The following TUBGCP6 variants were observed in gnomAD, a reference collection of about 807,000 sequenced individuals.
The protein encoded by TUBGCP6 is gamma-tubulin complex component 6.
In TUBGCP6, 161 loss-of-function variants were observed where a neutral mutation model predicts 175.8. That is an observed-to-expected ratio of 0.92 (90% confidence interval 0.81 to 1.04). TUBGCP6 has a LOEUF of 1.04. Among genes scored for constraint, TUBGCP6 ranks in the 50% least tolerant of loss-of-function variants. TUBGCP6 has a pLI of 0.00. For missense variants in TUBGCP6, 2,572 were observed against 2,433.0 expected (o/e 1.06, Z -1.20); for synonymous variants, 1,173 against 1,030.5 (o/e 1.14, Z -2.65).
At chr22:50,233,081 C>G (rs1211581521) in intron 3 of TUBGCP6, among the ~76,000 whole-genome samples, 1 of 152,234 alleles carries the variant, frequency 6.6e-6, no homozygotes, top group Non-Finnish European at 1.5e-5. Flanking sequence ...TTGCTGACAG[C>G]AATAAACATG....
rs201398979 is a variant in TUBGCP6 at position 50,220,670 on chromosome 22, G to A, written c.3689C>T (p.Ser1230Leu). 1.1e-4 allele frequency: 184 copies of A among 1,611,008 alleles called. 1 individual carries two copies. The highest frequency in any genetic ancestry group is 7.5e-4 in the South Asian group (68 of 90,988). ...DTSIRVGENVSDVAPIRSRCN... is the reference protein window; with the variant it reads ...DTSIRVGENVLDVAPIRSRCN... ...CCGTGACCGGATGGGAGCCACGTCC[G>A]ATACGTTCTCCCCAACCCTGATGCT... The change falls in exon 16 of 25, where the codon TCG (serine) becomes TTG (leucine). Residue 1230 changes from serine (S) to leucine (L), a missense_variant. By Grantham distance (145) the Ser-to-Leu change is moderately radical. Coordinates refer to ENST00000248846, the MANE Select transcript of TUBGCP6 (RefSeq NM_020461.4).
chr22:50,219,292 C>T lies in TUBGCP6; in HGVS notation c.4480G>A (p.Ala1494Thr), dbSNP rs772982938. The T allele has an allele frequency of 8.7e-6, 14 of 1,602,674 alleles. No homozygotes were observed. Among genetic ancestry groups the T allele is most frequent in the Admixed American group, 3.4e-5 (2 of 58,738 alleles). ...MKRSITAPLAAHISLVNKAAV... is the reference protein window; with the variant it reads ...MKRSITAPLATHISLVNKAAV... ...CGCAGGGGCAGGGGCACTCACTGGG[C>T]GGCCAGCGGTGCCGTGATGGAGCGC... The change falls in exon 19 of 25, where the codon GCC becomes ACC. Residue 1494 changes from alanine to threonine, a missense_variant. Ala to Thr is a moderately conservative substitution (Grantham distance 58). Transcript: ENST00000248846.
chr22:50,240,692 C>A (rs75025259), intron 1 of TUBGCP6, among the ~76,000 whole-genome samples: 3,614 of 152,252 alleles, frequency 0.024, 90 homozygotes, highest in East Asian at 0.12. Context: ...AACATTAAAA[C>A]ACTACTGTAC....
chr22:50,242,714 GA>G (rs2064855366), intron 1 of TUBGCP6, among the ~76,000 whole-genome samples: 1 of 152,222 alleles, frequency 6.6e-6, no homozygotes, highest in African/African-American at 2.4e-5. Context: ...CCAATTGCAC[GA>G]ATTACAGAAC....
intron 14 of TUBGCP6, 22 bp downstream of exon 14, chr22:50,222,432 C>A: frequency 6.2e-7 from 1 of 1,612,566 alleles, no homozygotes; most frequent in African/African-American, 1.3e-5. Flanking sequence ...GGAAGAGCTG[C>A]CATCTGAAGC....
intron 3 of TUBGCP6, among the ~76,000 whole-genome samples, chr22:50,231,240 G>T (rs924899287): frequency 7.1e-6 from 1 of 141,612 alleles, no homozygotes; most frequent in African/African-American, 2.5e-5. Context: ...AATCACTTGA[G>T]GTCAGGAGTT....
chr22:50,226,191 T>A lies in TUBGCP6; in HGVS notation c.1694-2A>T. 6.2e-7 allele frequency: 1 copy of A among 1,614,062 alleles called. No homozygotes were observed. Among genetic ancestry groups the A allele is most frequent in the South Asian group, 1.1e-5 (1 of 91,074 alleles). ...AGCCATGTGTCCAGTACAACTTATC[T>A]AAGGTAGGGTGAACACCACGGTGGC... On this transcript the variant is annotated splice_acceptor_variant, in intron 8 of 24. Coordinates refer to ENST00000248846, the MANE Select transcript of TUBGCP6 (RefSeq NM_020461.4). LOFTEE classifies it high-confidence loss of function.
Position 50,226,330 on chromosome 22 carries a change from G to A in TUBGCP6, c.1650C>T (p.Gly550=), listed in dbSNP as rs776356001. ...CGTGGTTCACCTGAATCATGAACTC[G>A]CCATAAGCGTCTCTGAACACCCCGC... The part of the protein sequence containing the change: ...VYSGVFRDAY[G]EFMIQVNHEY... The change falls in exon 8 of 25, where the codon GGC becomes GGT. Residue 550 remains glycine (G), a synonymous_variant. Coordinates refer to ENST00000248846, the MANE Select transcript of TUBGCP6 (RefSeq NM_020461.4). The A allele has an allele frequency of 2.5e-5, 41 of 1,613,518 alleles. No individual in the cohort carries two copies. Among genetic ancestry groups the A allele is most frequent in the Admixed American group, 3.3e-5 (2 of 59,902 alleles).
intron 2 of TUBGCP6, among the ~76,000 whole-genome samples, chr22:50,239,456 T>C (rs1156954577): frequency 3.3e-5 from 5 of 152,230 alleles, no homozygotes; most frequent in Admixed American, 1.3e-4. Flanking sequence ...GGATTACAGA[T>C]GTGAGCCACC....
rs149054936 is a variant in TUBGCP6, at chr22:50,218,552, G to A, written c.4890C>T (p.Phe1630=). ...CVSKYSGVFS[F]LLQLKLMMWA... ...ACATCATGAGCTTCAGCTGCAGCAGGAAGGAGAAGACGCCGCTGTACTTGC... is the reference window on the plus strand; with the variant it reads ...ACATCATGAGCTTCAGCTGCAGCAGAAAGGAGAAGACGCCGCTGTACTTGC... The change falls in exon 22 of 25, where the codon TTC becomes TTT. Residue 1630 remains phenylalanine (F), a synonymous_variant. Coordinates refer to ENST00000248846, the MANE Select transcript of TUBGCP6 (RefSeq NM_020461.4). The A allele has an allele frequency of 4.6e-5, 74 of 1,613,818 alleles. No homozygotes were observed. The highest frequency in any genetic ancestry group is 4.5e-4 in the South Asian group (41 of 91,084).
Position 50,220,977 on chromosome 22 carries a change from T to C in TUBGCP6, c.3382A>G (p.Arg1128Gly). 1 of 1,538,708 alleles carries C rather than the reference T, an allele frequency of 6.5e-7. No homozygotes were observed. The highest frequency in any genetic ancestry group is 8.7e-7 in the Non-Finnish European group (1 of 1,144,978). Reference sequence around the variant, plus strand: ...TGCCCGTGGGTATTCCACCGTGGCCTGGTGGGAGCCACATCTGACACATTC... The same window carrying C: ...TGCCCGTGGGTATTCCACCGTGGCCCGGTGGGAGCCACATCTGACACATTC... The part of the protein sequence containing the change: ...GENVSDVAPT[R>G]PRWNTHGHVS... The change falls in exon 16 of 25, where the codon AGG becomes GGG. Residue 1128 changes from arginine to glycine, a missense_variant. By Grantham distance (125) the Arg-to-Gly change is moderately radical (BLOSUM62 -2). Transcript: ENST00000248846.
In TUBGCP6 at chr22:50,218,466, C is replaced by T. The variant is rs747654329; in HGVS notation, c.4954+22G>A. 2.7e-5 allele frequency: 44 copies of T among 1,613,092 alleles called. No homozygotes were observed. The South Asian group carries it at 4.6e-4, about 17-fold the overall frequency. Reference sequence around the variant, plus strand: ...AGCCTCCAGCCAGGGGTGCGGGGCGCCGGGCTCCAGCGGGGCCTCACCTGT... The same window carrying T: ...AGCCTCCAGCCAGGGGTGCGGGGCGTCGGGCTCCAGCGGGGCCTCACCTGT... On this transcript the variant is annotated intron_variant, in intron 22 of 24. Coordinates refer to ENST00000248846, the MANE Select transcript of TUBGCP6 (RefSeq NM_020461.4).
At chr22:50,226,015 G>GC in intron 9 of TUBGCP6, 35 bp downstream of exon 9, 1 of 1,613,576 alleles carries the variant, frequency 6.2e-7, no homozygotes, top group Non-Finnish European at 8.5e-7. Flanking sequence ...GGGAAGACCG[G>GC]CCCCTCTCTT....
At chr22:50,228,129 G>A in intron 4 of TUBGCP6, 101 bp from the exon 5 acceptor site, 1 of 1,349,428 alleles carries the variant, frequency 7.4e-7, no homozygotes, top group Non-Finnish European at 9.8e-7. Flanking sequence ...TTTGTTTCTT[G>A]CCTCAGCTCT....
rs755251059 is a variant in TUBGCP6, at chr22:50,218,759, C to A, written c.4765G>T (p.Glu1589Ter). The A allele has an allele frequency of 1.2e-6, 2 of 1,614,060 alleles. No individual in the cohort carries two copies. Among genetic ancestry groups the A allele is most frequent in the Non-Finnish European group, 1.7e-6 (2 of 1,180,000 alleles). The stretch of plus-strand genomic sequence containing the variant: ...TCCGGGGCGTTGGGGGCAAACACCT[C>A]GGGCAGGTACTTGAGAGCGAGGGAG... ...NLSLALKYLPEVFAPNAPDVL... is the reference protein window; with the variant it reads ...NLSLALKYLP Residue 1589 changes from glutamate (E) to a stop codon, truncating the protein, a stop_gained, in exon 21 of 25, where the codon GAG becomes TAG. Transcript: ENST00000248846. LOFTEE classifies it high-confidence loss of function.
chr22:50,241,679 G>A (rs1243434741), intron 1 of TUBGCP6, among the ~76,000 whole-genome samples: 2 of 152,056 alleles, frequency 1.3e-5, no homozygotes, highest in Non-Finnish European at 2.9e-5. Flanking sequence ...TCTCTGCTTC[G>A]GCTGCCAAAC....
intron 2 of TUBGCP6, among the ~76,000 whole-genome samples, chr22:50,235,871 T>C (rs1399707095): frequency 7.2e-6 from 1 of 139,058 alleles, no homozygotes; most frequent in Non-Finnish European, 1.5e-5. Flanking sequence ...ACCCGGGAGG[T>C]GGAGGTTGCA....
Position 50,225,937 on chromosome 22 carries a change from G to A in TUBGCP6, c.1840C>T (p.Leu614Phe), listed in dbSNP as rs368583248. 1.3e-5 allele frequency: 21 copies of A among 1,613,536 alleles called. No individual in the cohort carries two copies. Among genetic ancestry groups the A allele is most frequent in the Non-Finnish European group, 1.7e-5 (20 of 1,179,868 alleles). Reference sequence around the variant, plus strand: ...GGGACAGGGACGTCGGACCAACAGAGGTAATGCTGCCAAAGGGGATGCAAG... The same window carrying A: ...GGGACAGGGACGTCGGACCAACAGAAGTAATGCTGCCAAAGGGGATGCAAG... ...LLKLCCPRHY[L>F]CWSDVPVPRI... The change falls in exon 10 of 25, where the codon CTC becomes TTC. Residue 614 changes from leucine to phenylalanine, a missense_variant. By Grantham distance (22) the Leu-to-Phe change is conservative. Coordinates refer to ENST00000248846, the MANE Select transcript of TUBGCP6 (RefSeq NM_020461.4).
In TUBGCP6 at chr22:50,244,096, G is replaced by T. The variant is rs149528768; in HGVS notation, c.364C>A (p.Pro122Thr). The part of the protein sequence containing the change: ...DLLVQLAGSG[P>T]PQVLPRKRDY... ...CGTTTTCTCGGCAGAACTTGAGGGG[G>T]ACCACTCCCTGCCAGCTGAACCAGG... The change falls in exon 1 of 25, where the codon CCC (proline) becomes ACC (threonine). Residue 122 changes from proline (P) to threonine (T), a missense_variant. Physicochemically the swap from Pro to Thr is conservative, Grantham distance 38. Transcript: ENST00000248846. 4 of 1,613,692 alleles carry T rather than the reference G, an allele frequency of 2.5e-6. No homozygotes were observed. The highest frequency in any genetic ancestry group is 3.4e-6 in the Non-Finnish European group (4 of 1,180,030).
Sources: allele counts gnomAD v4.1 joint callset (sites outside exome capture counted in the v4.1 genomes callset), GRCh38; gene constraint gnomAD v4.1.1; transcripts MANE v1.5; gene names NCBI Gene and HGNC (gene_info 2026-07-23, HGNC 2026-07-21).